Variants in DIP2A observed in about 807,000 individuals in gnomAD.
DIP2A encodes the protein disco-interacting protein 2 homolog A.
Under a neutral mutation model 177.4 loss-of-function variants are expected in DIP2A, and 85 were observed. The ratio of observed to expected loss-of-function variants is 0.48; its 90% CI spans 0.40 to 0.57. The LOEUF (loss-of-function observed/expected upper bound fraction) is 0.57, where lower values mean the gene tolerates loss of function less well. DIP2A is among the 20% of genes least tolerant of loss of function. The pLI, the probability that DIP2A is intolerant of heterozygous loss-of-function variation, is 0.00. For missense variants in DIP2A, 1,791 were observed against 2,100.2 expected (o/e 0.85, Z 2.88); for synonymous variants, 886 against 881.8 (o/e 1.00, Z -0.08).
Position 46,541,734 on chromosome 21 carries a change from C to G in DIP2A, c.2037-22C>G, listed in dbSNP as rs571185537. The stretch of plus-strand genomic sequence containing the variant: ...ATTTCATCCCCCTCGTCAGTTAAAC[C>G]CATGGTGGTTTTATTTTCTAGGCCA... On this transcript the variant is annotated intron_variant, in intron 17 of 37. Transcript: ENST00000417564. The G allele has an allele frequency of 5.6e-6, 9 of 1,613,676 alleles. No homozygotes were observed. In the East Asian group the frequency reaches 1.8e-4, roughly 32 times the overall value.
chr21:46,535,993 A>G (rs536542472), intron 13 of DIP2A, among the ~76,000 whole-genome samples: 73 of 152,320 alleles, frequency 4.8e-4, no homozygotes, highest in Admixed American at 1.3e-3. Context: ...CCCAAGTAGG[A>G]AAGGGAGCAG....
Position 46,554,573 on chromosome 21 carries a change from AG to A in DIP2A, c.3157del. 6.2e-7 allele frequency: 1 copy of A among 1,611,584 alleles called. No individual in the cohort carries two copies. Among genetic ancestry groups the A allele is most frequent in the Non-Finnish European group, 8.5e-7 (1 of 1,179,014 alleles). On this transcript the variant is annotated splice_acceptor_variant, in intron 26 of 37. Coordinates refer to ENST00000417564, the MANE Select transcript of DIP2A (RefSeq NM_015151.4). LOFTEE classifies it high-confidence loss of function. ...CCTCACAGCCAGTCCTTGTCTCCAC[AG>A]GGGTGGACCTCATTGCCGCGTTCTA... is the stretch of plus-strand genomic sequence containing the variant.
At chr21:46,480,574 G>T (rs2056277640) in intron 1 of DIP2A, among the ~76,000 whole-genome samples, 1 of 152,180 alleles carries the variant, frequency 6.6e-6, no homozygotes, top group South Asian at 2.1e-4. Flanking sequence ...AGCTGCCATG[G>T]CACAGAGACC....
Position 46,534,024 on chromosome 21 carries a change from C to T in DIP2A, c.1450C>T (p.Leu484=). ...CACAGGTTGGCCCCCGCTCTCCTGG[C>T]TAGTGATTGATGGGAAGCATCTAGC... ...AFKGWPPLSW[L]VIDGKHLAKP... is the part of the protein sequence containing the mutation. The change falls in exon 12 of 38, where the codon CTA becomes TTA. Residue 484 remains leucine, a synonymous_variant. Coordinates refer to ENST00000417564, the MANE Select transcript of DIP2A (RefSeq NM_015151.4). 1 of 1,613,662 alleles carries T rather than the reference C, an allele frequency of 6.2e-7. No individual in the cohort carries two copies. Among genetic ancestry groups the T allele is most frequent in the Non-Finnish European group, 8.5e-7 (1 of 1,179,808 alleles).
chr21:46,558,222 G>C lies in DIP2A; in HGVS notation c.3799-1G>C. 6.2e-7 allele frequency: 1 copy of C among 1,609,096 alleles called. No individual in the cohort carries two copies. The highest frequency in any genetic ancestry group is 8.5e-7 in the Non-Finnish European group (1 of 1,177,924). On this transcript the variant is annotated splice_acceptor_variant, in intron 31 of 37. Transcript: ENST00000417564. LOFTEE classifies it high-confidence loss of function. The stretch of plus-strand genomic sequence containing the variant: ...GGCCTGACCGCTCACCCCTCCCGCA[G>C]ATGAAGGGGGTGAACCTGTCATGTG...
chr21:46,571,708 A>T (rs1037439074), downstream of DIP2A, among the ~76,000 whole-genome samples: 1 of 152,038 alleles, frequency 6.6e-6, no homozygotes, highest in Non-Finnish European at 1.5e-5. Context: ...TTTGTCTGTT[A>T]TTGGTGTATA....
chr21:46,546,055 C>T (rs376642736), intron 20 of DIP2A, 94 bp downstream of exon 20: 353 of 1,590,158 alleles, frequency 2.2e-4, no homozygotes, highest in Non-Finnish European at 2.8e-4. Context: ...TTGTCCTGGC[C>T]GTTCCTGACC....
intron 20 of DIP2A, chr21:46,546,289 A>G: frequency 9.0e-7 from 1 of 1,107,178 alleles, no homozygotes; most frequent in Non-Finnish European, 1.1e-6. Flanking sequence ...ATTCAAAAAT[A>G]AATGCTTCTA....
chr21:46,478,275 C>T lies in DIP2A; in HGVS notation c.92-6482C>T, dbSNP rs1268592194. Among the ~76,000 whole-genome samples the T allele has an allele frequency of 2.6e-5, 4 of 151,812 alleles. No homozygotes were observed. The East Asian group carries it at 5.8e-4, about 22-fold the overall frequency. On this transcript the variant is annotated intron_variant, in intron 1 of 37. Coordinates refer to ENST00000417564, the MANE Select transcript of DIP2A (RefSeq NM_015151.4). ...TTGCCCAGGCTGGAGTGCAATGGCG[C>T]GATCCCGGCTCACAGCAACCTCCGC... is the stretch of plus-strand genomic sequence containing the variant.
intron 1 of DIP2A, among the ~76,000 whole-genome samples, chr21:46,465,807 T>G (rs1025296627): frequency 2.0e-5 from 3 of 152,236 alleles, no homozygotes; most frequent in African/African-American, 7.2e-5. Flanking sequence ...ATGAATTGCT[T>G]TTGCTGCACA....
the DIP2A span, among the ~76,000 whole-genome samples, chr21:46,577,574 A>G: frequency 1.3e-5 from 2 of 152,152 alleles, no homozygotes; most frequent in African/African-American, 2.4e-5. Context: ...TGATGCCTCC[A>G]ACTTCGTTCT....
downstream of DIP2A, among the ~76,000 whole-genome samples, chr21:46,572,374 T>C (rs1258617058): frequency 6.7e-6 from 1 of 149,020 alleles, no homozygotes; most frequent in Non-Finnish European, 1.5e-5. Flanking sequence ...TCCTAGGCCT[T>C]CACATTCATT....
chr21:46,579,242 C>T, the DIP2A span, among the ~76,000 whole-genome samples: 1 of 152,172 alleles, frequency 6.6e-6, no homozygotes, highest in Non-Finnish European at 1.5e-5. Context: ...AGTTCATGTG[C>T]ATAGAGATGT....
chr21:46,509,489 T>C (rs2058200684), intron 7 of DIP2A, 113 bp downstream of exon 7: 1 of 1,303,726 alleles, frequency 7.7e-7, no homozygotes, highest in African/African-American at 1.5e-5. Flanking sequence ...ATATTCTGTT[T>C]CCAGACTCAG....
intron 10 of DIP2A, 144 bp downstream of exon 10, chr21:46,532,381 A>G (rs553889581): frequency 3.1e-6 from 2 of 645,560 alleles, no homozygotes; most frequent in Middle Eastern, 3.5e-4. Flanking sequence ...CAGGCTGGCC[A>G]GGACTCAAGA....
rs969964846 is a variant in DIP2A, at chr21:46,459,480, G to T, written c.91+258G>T. Among the ~76,000 whole-genome samples, 7 of 96,518 alleles carry T rather than the reference G, an allele frequency of 7.3e-5. No homozygotes were observed. In the Admixed American group the frequency reaches 7.9e-4, roughly 11 times the overall value. 63.3% of individuals were successfully genotyped at this position (96,518 alleles called of 152,430 possible). A position where few individuals can be genotyped will look rare whatever the true frequency, so the allele number is the denominator to read the frequency against. On this transcript the variant is annotated intron_variant, in intron 1 of 37. Transcript: ENST00000417564. The stretch of plus-strand genomic sequence containing the variant: ...CGCCCCTCATGTGGGACCCCAGCAC[G>T]ACCCCTCGCCCCGAGACCCCGGCCC...
At chr21:46,506,642 C>T (rs11089071) in intron 6 of DIP2A, among the ~76,000 whole-genome samples, 40,837 of 151,212 alleles carry the variant, frequency 0.27, 5,903 homozygotes, top group East Asian at 0.35. Flanking sequence ...TCTTTTTATG[C>T]ACCTATTTGC....
At chr21:46,541,727 G>C (rs370722673) in intron 17 of DIP2A, 29 bp from the exon 18 acceptor site, 6 of 1,613,362 alleles carry the variant, frequency 3.7e-6, no homozygotes, top group Non-Finnish European at 5.1e-6. Flanking sequence ...CCCCTCGTCA[G>C]TTAAACCCAT....
intron 1 of DIP2A, among the ~76,000 whole-genome samples, chr21:46,477,573 C>CT (rs1357462907): frequency 0.064 from 4,948 of 77,784 alleles, 175 homozygotes; most frequent in Non-Finnish European, 0.084. Flanking sequence ...GTGTGTATTT[C>CT]TTTTTTTTTT....
Sources: gnomAD v4.1 joint callset for allele counts (sites outside exome capture counted in the v4.1 genomes callset) on GRCh38, gnomAD v4.1.1 for gene constraint, MANE v1.5 for transcripts, NCBI Gene and HGNC (gene_info 2026-07-23, HGNC 2026-07-21) for gene names.